The following SLC16A7 variants were observed in gnomAD, a reference collection of about 807,000 sequenced individuals.
SLC16A7 encodes monocarboxylate transporter 2.
A neutral mutation model predicts 34.9 loss-of-function variants in SLC16A7; 33 were observed. The observed-to-expected ratio is 0.94, with a 90% confidence interval of 0.72 to 1.26. SLC16A7 has a LOEUF of 1.26. Ranked by LOEUF, SLC16A7 falls within the 50% of genes most tolerant of loss-of-function variation. The pLI is 0.00. For synonymous variants in SLC16A7, 201 were observed against 206.6 expected, an observed-to-expected ratio of 0.97 and a Z score of 0.23; for missense variants, 573 against 578.1, an observed-to-expected ratio of 0.99 and a Z score of 0.09.
chr12:59,612,928 GTCT>G (rs1879267779), intron 1 of SLC16A7, among the ~76,000 whole-genome samples: 1 of 152,140 alleles, frequency 6.6e-6, no homozygotes, highest in East Asian at 1.9e-4. Context: ...ACATCTCCCT[GTCT>G]TCTTCTGAGC....
At chr12:59,775,817 C>T (rs961275072) in intron 5 of SLC16A7, among the ~76,000 whole-genome samples, 42 of 152,088 alleles carry the variant, frequency 2.8e-4, no homozygotes, top group Non-Finnish European at 2.2e-4. Context: ...GTGAACAGAT[C>T]TCTCGTCTGT....
At chr12:59,620,941 T>G (rs928498263) in intron 1 of SLC16A7, among the ~76,000 whole-genome samples, 1 of 151,910 alleles carries the variant, frequency 6.6e-6, no homozygotes, top group Non-Finnish European at 1.5e-5. Context: ...CTATGCAAAG[T>G]TGGCCCATCA....
In SLC16A7 at chr12:59,731,410, G is replaced by A. The variant is rs561421339; in HGVS notation, c.217+26392G>A. On this transcript the variant is annotated intron_variant, in intron 3 of 5. Transcript: ENST00000547379. ...GAAATGAAGTACAAAAAGGTTAAAT[G>A]GTGAAAGATCACAGGACTAGTTCCT... Among the ~76,000 whole-genome samples the A allele has an allele frequency of 7.9e-5, 12 of 152,266 alleles. No individual in the cohort carries two copies. The East Asian group carries it at 2.1e-3, about 27-fold the overall frequency.
chr12:59,647,880 C>G lies in SLC16A7; in HGVS notation c.-129-7272C>G, dbSNP rs568599885. On this transcript the variant is annotated intron_variant, in intron 1 of 5. Transcript: ENST00000547379. ...CAACATGGTGACCACAAAACATGGTCACTACAAAAAAAAAATACAAAAATT... is the reference window on the plus strand; with the variant it reads ...CAACATGGTGACCACAAAACATGGTGACTACAAAAAAAAAATACAAAAATT... 4.0e-5 allele frequency among the ~76,000 whole-genome samples: 6 copies of G among 150,908 alleles called. No homozygotes were observed. The South Asian group carries it at 1.3e-3, about 32-fold the overall frequency.
intron 1 of SLC16A7, among the ~76,000 whole-genome samples, chr12:59,628,020 CACTAAACCCTTAAG>C (rs1880003541): frequency 6.6e-6 from 1 of 151,708 alleles, no homozygotes; most frequent in African/African-American, 2.4e-5. Context: ...TGTAAATTTT[CACTAAACCCTTAAG>C]ACTCTGGGTA....
chr12:59,676,831 G>A (rs944029088), intron 2 of SLC16A7, among the ~76,000 whole-genome samples: 9 of 150,554 alleles, frequency 6.0e-5, no homozygotes, highest in South Asian at 2.1e-4. Flanking sequence ...TTATGCAAAC[G>A]TTACTTAAAA....
intron 1 of SLC16A7, among the ~76,000 whole-genome samples, chr12:59,623,496 G>A (rs1238356428): frequency 6.6e-6 from 1 of 151,418 alleles, no homozygotes; most frequent in Non-Finnish European, 1.5e-5. Context: ...ATATAAATTT[G>A]ATATATTTTG....
chr12:59,626,015 A>T (rs1879913292), intron 1 of SLC16A7, among the ~76,000 whole-genome samples: 1 of 151,846 alleles, frequency 6.6e-6, no homozygotes, highest in African/African-American at 2.4e-5. Flanking sequence ...TTGCTTTTCC[A>T]ATATGTTCTA....
intron 3 of SLC16A7, among the ~76,000 whole-genome samples, chr12:59,728,587 T>C (rs985498614): frequency 6.6e-6 from 1 of 152,168 alleles, no homozygotes; most frequent in African/African-American, 2.4e-5. Flanking sequence ...TAGCTGAGCG[T>C]GGTGGAGCAT....
At chr12:59,766,595 G>GT (rs960249829) in intron 3 of SLC16A7, among the ~76,000 whole-genome samples, 6 of 152,074 alleles carry the variant, frequency 3.9e-5, no homozygotes, top group African/African-American at 7.2e-5. Context: ...TAATCATGTG[G>GT]TTTTTGTCTT....
intron 1 of SLC16A7, among the ~76,000 whole-genome samples, chr12:59,636,418 C>T (rs1036394850): frequency 6.6e-6 from 1 of 151,898 alleles, no homozygotes; most frequent in African/African-American, 2.4e-5. Context: ...AGGCAACATA[C>T]TTTTTTTTAC....
chr12:59,598,221 G>GCAGTTACTT (rs772105237), intron 1 of SLC16A7, among the ~76,000 whole-genome samples: 3 of 152,188 alleles, frequency 2.0e-5, no homozygotes, highest in Non-Finnish European at 4.4e-5. Flanking sequence ...CTTTTGTAAG[G>GCAGTTACTT]TTGAGTAATT....
chr12:59,730,363 C>G (rs1356382192), intron 3 of SLC16A7, among the ~76,000 whole-genome samples: 1 of 136,742 alleles, frequency 7.3e-6, no homozygotes, highest in Non-Finnish European at 1.6e-5. Flanking sequence ...AAAAAAAAAA[C>G]AGACAACACA....
At chr12:59,679,572 T>A (rs1870586731) in intron 2 of SLC16A7, among the ~76,000 whole-genome samples, 2 of 152,222 alleles carry the variant, frequency 1.3e-5, no homozygotes, top group African/African-American at 4.8e-5. Context: ...TCTTAGCCCC[T>A]TAGAAATCTG....
intron 2 of SLC16A7, among the ~76,000 whole-genome samples, chr12:59,658,998 T>G (rs1343519985): frequency 1.3e-5 from 2 of 152,032 alleles, no homozygotes; most frequent in Non-Finnish European, 2.9e-5. Context: ...TCCTGATAAT[T>G]AAAATCCTAA....
intron 3 of SLC16A7, among the ~76,000 whole-genome samples, chr12:59,739,991 G>C (rs1878107904): frequency 6.6e-6 from 1 of 151,730 alleles, no homozygotes; most frequent in African/African-American, 2.4e-5. Flanking sequence ...CCATTTTGTA[G>C]GTTGCCTGTT....
At chr12:59,601,911 A>G (rs1339450093) in intron 1 of SLC16A7, among the ~76,000 whole-genome samples, 1 of 152,206 alleles carries the variant, frequency 6.6e-6, no homozygotes, top group Non-Finnish European at 1.5e-5. Context: ...TTTGGGGATT[A>G]GGACTTCAAC....
intron 3 of SLC16A7, among the ~76,000 whole-genome samples, chr12:59,736,531 A>G (rs1592605601): frequency 6.6e-6 from 1 of 152,172 alleles, no homozygotes; most frequent in Non-Finnish European, 1.5e-5. Flanking sequence ...AGGAGGCTAC[A>G]CTTGGTGACT....
chr12:59,741,156 A>C (rs920362883), intron 3 of SLC16A7, among the ~76,000 whole-genome samples: 3 of 152,148 alleles, frequency 2.0e-5, no homozygotes, highest in African/African-American at 4.8e-5. Flanking sequence ...TTATAGATTC[A>C]ATGCCATCCC....
Sources: allele counts gnomAD v4.1 joint callset (sites outside exome capture counted in the v4.1 genomes callset), GRCh38; gene constraint gnomAD v4.1.1; transcripts MANE v1.5; gene names NCBI Gene and HGNC (gene_info 2026-07-23, HGNC 2026-07-21).